The following SNAPIN variants were observed in gnomAD, a reference collection of about 807,000 sequenced individuals.
The protein encoded by SNAPIN is SNARE-associated protein Snapin.
A neutral mutation model predicts 15.9 loss-of-function variants in SNAPIN; 16 were observed. The ratio of observed to expected loss-of-function variants is 1.01; its 90% CI spans 0.68 to 1.53. The LOEUF is 1.53. Ranked by LOEUF, SNAPIN falls within the 40% of genes most tolerant of loss-of-function variation. The pLI, the probability that SNAPIN is intolerant of heterozygous loss-of-function variation, is 0.00. For missense variants in SNAPIN, 186 were observed against 180.1 expected (o/e 1.03, Z -0.19); for synonymous variants, 83 against 76.2 (o/e 1.09, Z -0.46).
Position 153,661,421 on chromosome 1 carries a change from TAC to T in SNAPIN, c.*122_*123del, listed in dbSNP as rs374520844. The T allele has an allele frequency of 2.6e-5, 20 of 767,962 alleles. No homozygotes were observed. Among genetic ancestry groups the T allele is most frequent in the Non-Finnish European group, 3.8e-5 (18 of 479,872 alleles). The allele number at this position is 767,962 out of a possible 1,614,324, so 47.6% of individuals were successfully genotyped here. On this transcript the variant is annotated 3_prime_UTR_variant, in exon 4 of 4. Transcript: ENST00000368685. ...CCTTCAGACATTAAAAAGGGAGCCG[TAC>T]AGTTTGTTTGAAGCACTTCGTCTTA... is the stretch of plus-strand genomic sequence containing the variant.
chr1:153,659,254 C>G (rs1669091832), intron 2 of SNAPIN, 70 bp downstream of exon 2: 24 of 1,532,572 alleles, frequency 1.6e-5, no homozygotes, highest in Non-Finnish European at 2.2e-5. Flanking sequence ...TTGCCAACCC[C>G]TGGGCTGAGT....
intron 2 of SNAPIN, 39 bp from the exon 3 acceptor site, chr1:153,659,409 A>G (rs530947235): frequency 6.6e-7 from 1 of 1,520,116 alleles, no homozygotes; most frequent in East Asian, 2.3e-5. Flanking sequence ...ACAAGAGATA[A>G]GCCGTTAGAT....
chr1:153,661,633 G>T lies in SNAPIN; in HGVS notation c.*332G>T. The T allele has an allele frequency of 4.9e-6, 1 of 202,122 alleles. No individual in the cohort carries two copies. Among genetic ancestry groups the T allele is most frequent in the African/African-American group, 2.3e-5 (1 of 43,682 alleles). The allele number at this position is 202,122 out of a possible 1,614,324, so 12.5% of individuals were successfully genotyped here. A position where few individuals can be genotyped will look rare whatever the true frequency, so the allele number is the denominator to read the frequency against. On this transcript the variant is annotated 3_prime_UTR_variant, in exon 4 of 4. Coordinates refer to ENST00000368685, the MANE Select transcript of SNAPIN (RefSeq NM_012437.6). ...TTAACCAGAGGGGCTTCCTTTGTAT[G>T]TTACATGCCTGGTTACATGGGCCTG... is the stretch of plus-strand genomic sequence containing the variant.
chr1:153,658,702 G>C, upstream of SNAPIN: 1 of 1,486,880 alleles, frequency 6.7e-7, no homozygotes, highest in Non-Finnish European at 8.9e-7. Flanking sequence ...TCCGGTTCCC[G>C]GCGGCCCTCG....
chr1:153,661,471 G>C lies in SNAPIN; in HGVS notation c.*170G>C. On this transcript the variant is annotated 3_prime_UTR_variant, in exon 4 of 4. Transcript: ENST00000368685. The stretch of plus-strand genomic sequence containing the variant: ...TTACCCATTTATGTAGGGGCCCCAG[G>C]AAACCTACACACAGCCAGAATGAGG... 2.1e-6 allele frequency: 1 copy of C among 477,660 alleles called. No individual in the cohort carries two copies. Among genetic ancestry groups the C allele is most frequent in the Non-Finnish European group, 3.8e-6 (1 of 261,326 alleles). 29.6% of individuals were successfully genotyped at this position (477,660 alleles called of 1,614,324 possible).
intron 2 of SNAPIN, 31 bp downstream of exon 2, chr1:153,659,215 C>T: frequency 6.2e-7 from 1 of 1,611,630 alleles, no homozygotes; most frequent in Non-Finnish European, 8.5e-7. Flanking sequence ...ACCCGGAATT[C>T]TTCAGCCCAC....
chr1:153,660,331 C>CTTTT (rs534699445), intron 3 of SNAPIN, among the ~76,000 whole-genome samples: 10 of 135,184 alleles, frequency 7.4e-5, no homozygotes, highest in African/African-American at 2.5e-4. Context: ...CCTGCCTGGC[C>CTTTT]TTTTTTTTTT....
At position 153,661,364 on chromosome 1, in the gene SNAPIN, A is replaced by T. The variant is rs1378846323; in HGVS notation, c.*63A>T. 2.4e-6 allele frequency: 3 copies of T among 1,263,808 alleles called. No individual in the cohort carries two copies. The highest frequency in any genetic ancestry group is 1.8e-5 in the Admixed American group (1 of 55,502). The allele number at this position is 1,263,808 out of a possible 1,614,324, so 78.3% of individuals were successfully genotyped here. On this transcript the variant is annotated 3_prime_UTR_variant, in exon 4 of 4. Transcript: ENST00000368685. ...CCCCAGCTGCCTTGTTTCAACAGAC[A>T]TGCAAAGATCCTAGGAGACAGTCCC...
rs774414587 is a variant in SNAPIN, at chr1:153,659,218, C to T, written c.190+34C>T. 34 of 1,611,418 alleles carry T rather than the reference C, an allele frequency of 2.1e-5. 2 individuals carry two copies. The highest frequency in any genetic ancestry group is 2.5e-6 in the Non-Finnish European group (3 of 1,177,772). On this transcript the variant is annotated intron_variant, in intron 2 of 3. Coordinates refer to ENST00000368685, the MANE Select transcript of SNAPIN (RefSeq NM_012437.6). ...GCATCCCTGTGTACCCGGAATTCTT[C>T]AGCCCACTTTCAGGACCTTAGGTTT...
rs745844622 is a variant in SNAPIN, at chr1:153,661,267, C to T, written c.377C>T (p.Ser126Leu). 1.7e-5 allele frequency: 28 copies of T among 1,613,606 alleles called. No homozygotes were observed. Among genetic ancestry groups the T allele is most frequent in the East Asian group, 8.9e-5 (4 of 44,860 alleles). The change falls in exon 4 of 4, where the codon TCG (serine) becomes TTG (leucine). Residue 126 changes from serine (S) to leucine (L), a missense_variant. By Grantham distance (145) the Ser-to-Leu change is moderately radical (BLOSUM62 -2). Coordinates refer to ENST00000368685, the MANE Select transcript of SNAPIN (RefSeq NM_012437.6). Reference protein sequence around the residue: ...ETARRRAMLDSGIYPPGSPGK With the variant: ...ETARRRAMLDLGIYPPGSPGK Reference sequence around the variant, plus strand: ...GCCCGCAGGAGAGCAATGCTGGATTCGGGAATTTACCCCCCTGGCTCCCCA... The same window carrying T: ...GCCCGCAGGAGAGCAATGCTGGATTTGGGAATTTACCCCCCTGGCTCCCCA...
Position 153,659,526 on chromosome 1 carries a change from G to A in SNAPIN, c.269G>A (p.Arg90Gln). The A allele has an allele frequency of 6.2e-7, 1 of 1,613,994 alleles. No individual in the cohort carries two copies. The highest frequency in any genetic ancestry group is 8.5e-7 in the Non-Finnish European group (1 of 1,179,898). The stretch of plus-strand genomic sequence containing the variant: ...GTTAAGAAGCTACTTAATGCCCGGC[G>A]ACGCGTTGTCTTGGTTAACAACATT... The part of the protein sequence containing the change: ...PYVKKLLNAR[R>Q]RVVLVNNILQ... The change falls in exon 3 of 4, where the codon CGA (arginine) becomes CAA (glutamine). Residue 90 changes from arginine to glutamine, a missense_variant. Arg to Gln is a conservative substitution (Grantham distance 43). Coordinates refer to ENST00000368685, the MANE Select transcript of SNAPIN (RefSeq NM_012437.6).
In SNAPIN at chr1:153,661,389, C is replaced by G; in HGVS notation, c.*88C>G. ...ATGCAAAGATCCTAGGAGACAGTCC[C>G]CATAGACCTTCAGACATTAAAAAGG... On this transcript the variant is annotated 3_prime_UTR_variant, in exon 4 of 4. Coordinates refer to ENST00000368685, the MANE Select transcript of SNAPIN (RefSeq NM_012437.6). 5 of 989,218 alleles carry G rather than the reference C, an allele frequency of 5.1e-6. No homozygotes were observed. Among genetic ancestry groups the G allele is most frequent in the Non-Finnish European group, 7.8e-6 (5 of 640,126 alleles). The allele number at this position is 989,218 out of a possible 1,614,324, so 61.3% of individuals were successfully genotyped here. A position where few individuals can be genotyped will look rare whatever the true frequency, so the allele number is the denominator to read the frequency against.
rs1478320460 is a variant in SNAPIN, at chr1:153,661,380, A to C, written c.*79A>C. ...TCAACAGACATGCAAAGATCCTAGG[A>C]GACAGTCCCCATAGACCTTCAGACA... On this transcript the variant is annotated 3_prime_UTR_variant, in exon 4 of 4. Transcript: ENST00000368685. The C allele has an allele frequency of 9.2e-7, 1 of 1,089,414 alleles. No homozygotes were observed. The highest frequency in any genetic ancestry group is 1.9e-5 in the Admixed American group (1 of 52,164). The allele number at this position is 1,089,414 out of a possible 1,614,324, so 67.5% of individuals were successfully genotyped here.
intron 3 of SNAPIN, among the ~76,000 whole-genome samples, chr1:153,660,348 T>TA (rs34402650): frequency 9.4e-5 from 14 of 149,484 alleles, no homozygotes; most frequent in African/African-American, 1.7e-4. Context: ...TTTTTTTTTT[T>TA]AAATAAAAAG....
Position 153,661,205 on chromosome 1 carries a change from A to C in SNAPIN, c.315A>C (p.Arg105=). ...AAACCTTCCTTGTCTTGTAGGAACG[A>C]CTGAGACGGCTAAACCACAGTGTTG... is the stretch of plus-strand genomic sequence containing the variant. ...VNNILQNAQE[R]LRRLNHSVAK... is the part of the protein sequence containing the mutation. Residue 105 remains arginine, a synonymous_variant, in exon 4 of 4, where the codon CGA becomes CGC. Transcript: ENST00000368685. The C allele has an allele frequency of 6.2e-7, 1 of 1,613,596 alleles. No individual in the cohort carries two copies. The highest frequency in any genetic ancestry group is 8.5e-7 in the Non-Finnish European group (1 of 1,179,628).
At chr1:153,660,651 GA>G (rs936959398) in intron 3 of SNAPIN, among the ~76,000 whole-genome samples, 1,843 of 112,544 alleles carry the variant, frequency 0.016, 29 homozygotes, top group African/African-American at 0.052. Context: ...TCCGTCTCGG[GA>G]AAAAAAAAAA....
chr1:153,659,247 C>A, intron 2 of SNAPIN, 63 bp downstream of exon 2: 1 of 1,559,966 alleles, frequency 6.4e-7, no homozygotes, highest in Admixed American at 1.7e-5. Context: ...TAGGTTTTTG[C>A]CAACCCCTGG....
In SNAPIN at chr1:153,658,781, GGACCCCGGTGGCGGGGCCCACAGGCCGC is replaced by G; in HGVS notation, c.43_70del (p.Pro15PhefsTer29). On this transcript the variant is annotated frameshift_variant, in exon 1 of 4. Coordinates refer to ENST00000368685, the MANE Select transcript of SNAPIN (RefSeq NM_012437.6). LOFTEE classifies it high-confidence loss of function. ...GGTTCCGCCGCTGTATCGGGGGCAG[GGACCCCGGTGGCGGGGCCCACAGGCCGC>G]GACCTTTTCGCCGAAGGGCTGCTGG... 1 of 1,582,706 alleles carries G rather than the reference GGACCCCGGTGGCGGGGCCCACAGGCCGC, an allele frequency of 6.3e-7. No homozygotes were observed. Among genetic ancestry groups the G allele is most frequent in the Non-Finnish European group, 8.5e-7 (1 of 1,170,738 alleles).
At chr1:153,659,215 C>A (rs778351086) in intron 2 of SNAPIN, 31 bp downstream of exon 2, 1 of 1,611,630 alleles carries the variant, frequency 6.2e-7, no homozygotes, top group Non-Finnish European at 8.5e-7. Context: ...ACCCGGAATT[C>A]TTCAGCCCAC....
Sources: gnomAD v4.1 joint callset for allele counts (sites outside exome capture counted in the v4.1 genomes callset) on GRCh38, gnomAD v4.1.1 for gene constraint, MANE v1.5 for transcripts, NCBI Gene and HGNC (gene_info 2026-07-23, HGNC 2026-07-21) for gene names.